GRID1: variants seen among roughly 807,000 people sequenced by gnomAD.
The protein encoded by GRID1 is glutamate ionotropic receptor delta type subunit 1, also known as glutamate receptor ionotropic, delta-1.
A neutral mutation model predicts 98.0 loss-of-function variants in GRID1; 28 were observed. The ratio of observed to expected loss-of-function variants is 0.29; its 90% CI spans 0.21 to 0.39. GRID1 has a LOEUF of 0.39. Among genes scored for constraint, GRID1 ranks in the 10% least tolerant of loss-of-function variants. The probability of loss-of-function intolerance (pLI) is 1.00; values close to 1 mark genes in which losing one functional copy is unlikely to be tolerated. For missense variants in GRID1, 1,111 were observed against 1,340.5 expected, an observed-to-expected ratio of 0.83 and a Z score of 2.67; for synonymous variants, 553 against 538.5, an observed-to-expected ratio of 1.03 and a Z score of -0.37.
At chr10:86,190,578 C>A (rs1469591585) in intron 3 of GRID1, among the ~76,000 whole-genome samples, 1 of 152,240 alleles carries the variant, frequency 6.6e-6, no homozygotes, top group Non-Finnish European at 1.5e-5. Flanking sequence ...CATGCCCATC[C>A]CCATCCTGCA....
At chr10:85,730,383 TTTGTC>T (rs1841809377) in intron 8 of GRID1, among the ~76,000 whole-genome samples, 1 of 152,078 alleles carries the variant, frequency 6.6e-6, no homozygotes, top group South Asian at 2.1e-4. Context: ...CGACAAAACT[TTTGTC>T]TGGGAAACGA....
rs1841709486 is a variant in GRID1, at chr10:85,921,877, C to A, written c.727-5638G>T. The stretch of plus-strand genomic sequence containing the variant: ...GACGAGAGCTTGCTTTTATTAACCA[C>A]CCCCCAAGATACTTCAATACAACAT... On this transcript the variant is annotated intron_variant, in intron 4 of 15. Transcript: ENST00000327946. 6.6e-5 allele frequency among the ~76,000 whole-genome samples: 10 copies of A among 152,160 alleles called. No individual in the cohort carries two copies. The South Asian group carries it at 2.1e-3, about 32-fold the overall frequency.
At chr10:86,321,939 A>G (rs1418986168) in intron 2 of GRID1, among the ~76,000 whole-genome samples, 1 of 152,122 alleles carries the variant, frequency 6.6e-6, no homozygotes, top group Non-Finnish European at 1.5e-5. Flanking sequence ...CACCTTATTA[A>G]GAAGATTACA....
chr10:86,225,843 C>T (rs1301603474), intron 2 of GRID1, among the ~76,000 whole-genome samples: 1 of 152,144 alleles, frequency 6.6e-6, no homozygotes, highest in Non-Finnish European at 1.5e-5. Context: ...AGCCAATGTG[C>T]CCTCAGCAAA....
At chr10:86,243,046 C>T (rs1846663959) in intron 2 of GRID1, among the ~76,000 whole-genome samples, 1 of 152,158 alleles carries the variant, frequency 6.6e-6, no homozygotes, top group African/African-American at 2.4e-5. Context: ...TAATAATGCC[C>T]ACTTCCCAGG....
intron 5 of GRID1, among the ~76,000 whole-genome samples, chr10:85,892,547 A>G (rs1012788093): frequency 2.0e-5 from 3 of 151,852 alleles, no homozygotes; most frequent in African/African-American, 7.2e-5. Context: ...AAGTATGAAA[A>G]GAAAAAAAAA....
Position 86,231,900 on chromosome 10 carries a change from C to T in GRID1, c.236-25252G>A, listed in dbSNP as rs180796949. Reference sequence around the variant, plus strand: ...GGACCTCCATGTGACCATGATTCCCCGAGGCTGGCACACAGAACACACTCA... The same window carrying T: ...GGACCTCCATGTGACCATGATTCCCTGAGGCTGGCACACAGAACACACTCA... On this transcript the variant is annotated intron_variant, in intron 2 of 15. Coordinates refer to ENST00000327946, the MANE Select transcript of GRID1 (RefSeq NM_017551.3). 5.3e-4 allele frequency among the ~76,000 whole-genome samples: 81 copies of T among 152,258 alleles called. 1 individual carries two copies. Among genetic ancestry groups the T allele is most frequent in the African/African-American group, 1.7e-3 (69 of 41,528 alleles).
chr10:85,877,930 C>G (rs1840924495), intron 5 of GRID1, among the ~76,000 whole-genome samples: 1 of 152,114 alleles, frequency 6.6e-6, no homozygotes, highest in Non-Finnish European at 1.5e-5. Context: ...CTTAAAGGAG[C>G]TGATGGAGCT....
intron 12 of GRID1, among the ~76,000 whole-genome samples, chr10:85,717,951 C>A (rs1248866597): frequency 6.6e-6 from 1 of 150,942 alleles, no homozygotes; most frequent in African/African-American, 2.4e-5. Context: ...ATCTTTGACT[C>A]CAGGTCTCAC....
intron 3 of GRID1, among the ~76,000 whole-genome samples, chr10:86,174,333 C>T (rs1416672503): frequency 5.9e-5 from 9 of 152,128 alleles, no homozygotes; most frequent in South Asian, 2.1e-4. Flanking sequence ...TCAGAAATAA[C>T]GCCACATATC....
intron 3 of GRID1, among the ~76,000 whole-genome samples, chr10:86,147,506 G>A (rs536286565): frequency 5.3e-4 from 80 of 152,116 alleles, no homozygotes; most frequent in African/African-American, 1.9e-3. Flanking sequence ...TAAACCAATG[G>A]AACAGAAAAG....
intron 12 of GRID1, among the ~76,000 whole-genome samples, chr10:85,669,059 G>A (rs1466258941): frequency 6.6e-6 from 1 of 152,262 alleles, no homozygotes; most frequent in Non-Finnish European, 1.5e-5. Flanking sequence ...ACCAGAGGAT[G>A]ACACATGGGC....
chr10:85,749,628 C>A (rs1355860255), intron 8 of GRID1, among the ~76,000 whole-genome samples: 1 of 152,184 alleles, frequency 6.6e-6, no homozygotes, highest in Non-Finnish European at 1.5e-5. Context: ...CTACAACATT[C>A]TATACGATCT....
chr10:85,765,209 T>G (rs1376751720), intron 8 of GRID1, among the ~76,000 whole-genome samples: 1 of 152,182 alleles, frequency 6.6e-6, no homozygotes, highest in Admixed American at 6.5e-5. Flanking sequence ...ATGGGTCAAC[T>G]AGGACATGGT....
intron 12 of GRID1, among the ~76,000 whole-genome samples, chr10:85,713,580 A>G (rs1020752053): frequency 8.6e-5 from 13 of 151,564 alleles, no homozygotes; most frequent in Admixed American, 6.6e-4. Context: ...AGATGAGCAT[A>G]GATGTGCAAA....
chr10:85,681,451 T>C (rs1169613123), intron 12 of GRID1, among the ~76,000 whole-genome samples: 3 of 152,060 alleles, frequency 2.0e-5, no homozygotes, highest in Non-Finnish European at 2.9e-5. Context: ...TTGCCCAAAG[T>C]TTATTAATTC....
intron 12 of GRID1, among the ~76,000 whole-genome samples, chr10:85,683,332 C>T (rs1475386783): frequency 6.6e-6 from 1 of 152,160 alleles, no homozygotes; most frequent in African/African-American, 2.4e-5. Flanking sequence ...CTCTCAGTGA[C>T]AATATGCCAA....
intron 4 of GRID1, among the ~76,000 whole-genome samples, chr10:86,078,495 C>T (rs1843917422): frequency 6.6e-6 from 1 of 152,210 alleles, no homozygotes; most frequent in African/African-American, 2.4e-5. Flanking sequence ...TGCCCTGCCT[C>T]CTCTCACACT....
intron 2 of GRID1, among the ~76,000 whole-genome samples, chr10:86,310,848 G>T (rs1430821217): frequency 6.6e-6 from 1 of 152,172 alleles, no homozygotes; most frequent in Non-Finnish European, 1.5e-5. Flanking sequence ...GCTGTCTTTG[G>T]TAACACCATG....
Sources: gnomAD v4.1 joint callset for allele counts (sites outside exome capture counted in the v4.1 genomes callset) on GRCh38, gnomAD v4.1.1 for gene constraint, MANE v1.5 for transcripts, NCBI Gene and HGNC (gene_info 2026-07-23, HGNC 2026-07-21) for gene names.